Variants in CASR observed in about 807,000 individuals in gnomAD.
The protein encoded by CASR is extracellular calcium-sensing receptor.
Under a neutral mutation model 69.1 loss-of-function variants are expected in CASR, and 23 were observed. The observed-to-expected ratio is 0.33, with a 90% CI of 0.24 to 0.47. The LOEUF is 0.47. Among genes scored for constraint, CASR ranks in the 20% least tolerant of loss-of-function variants. The pLI is 1.00. For missense variants in CASR, 924 were observed against 1,356.1 expected (o/e 0.68, Z 5.00); for synonymous variants, 541 against 544.7 (o/e 0.99, Z 0.10).
chr3:122,265,912 G>A (rs1576862423), intron 4 of CASR, among the ~76,000 whole-genome samples: 1 of 152,216 alleles, frequency 6.6e-6, no homozygotes, highest in Non-Finnish European at 1.5e-5. Flanking sequence ...GTTGGGGAAT[G>A]GGGGATAAAT....
intron 1 of CASR, among the ~76,000 whole-genome samples, chr3:122,235,446 G>A (rs920481671): frequency 1.3e-5 from 2 of 152,150 alleles, no homozygotes; most frequent in Non-Finnish European, 2.9e-5. Context: ...CTGGAATACT[G>A]GTTTCATAAG....
chr3:122,228,801 G>C (rs1217358802), intron 1 of CASR, among the ~76,000 whole-genome samples: 1 of 152,062 alleles, frequency 6.6e-6, no homozygotes, highest in African/African-American at 2.4e-5. Flanking sequence ...TGTTGAAAGG[G>C]GAAGCTGAGA....
At chr3:122,217,027 A>G (rs1022059070) in intron 1 of CASR, among the ~76,000 whole-genome samples, 7 of 152,362 alleles carry the variant, frequency 4.6e-5, no homozygotes, top group Admixed American at 3.9e-4. Context: ...TGTCTAACAA[A>G]GGAGACAAAC....
intron 3 of CASR, 127 bp downstream of exon 3, chr3:122,257,514 T>A: frequency 1.5e-6 from 1 of 671,322 alleles, no homozygotes. Context: ...TATGATTTAG[T>A]TGATATGCTG....
chr3:122,192,798 C>A (rs889548847), intron 1 of CASR, among the ~76,000 whole-genome samples: 2 of 152,114 alleles, frequency 1.3e-5, no homozygotes, highest in African/African-American at 2.4e-5. Flanking sequence ...GTATATAGTT[C>A]CTGCGAGCTC....
intron 1 of CASR, among the ~76,000 whole-genome samples, chr3:122,233,508 G>A (rs955849514): frequency 2.0e-5 from 3 of 152,196 alleles, no homozygotes; most frequent in African/African-American, 7.2e-5. Flanking sequence ...CTGGGAAGTA[G>A]CGGAGGAGAA....
At position 122,261,774 on chromosome 3, in the gene CASR, T is replaced by C. The variant is rs201840633; in HGVS notation, c.739T>C (p.Ser247Pro). 3 of 1,614,194 alleles carry C rather than the reference T, an allele frequency of 1.9e-6. No individual in the cohort carries two copies. The highest frequency in any genetic ancestry group is 8.5e-7 in the Non-Finnish European group (1 of 1,180,008). Residue 247 changes from serine to proline, a missense_variant, in exon 4 of 7, where the codon TCT (serine) becomes CCT (proline). By Grantham distance (74) the Ser-to-Pro change is moderately conservative. Around this residue, in one of 8 missense-constraint regions of CASR, gnomAD observed 310 missense variants for 395.7 expected, o/e 0.78. Transcript: ENST00000639785. Reference protein sequence around the residue: ...IDFSELISQYSDEEEIQHVVE... With the variant: ...IDFSELISQYPDEEEIQHVVE... ...CTTCAGTGAACTCATCTCCCAGTAC[T>C]CTGATGAGGAAGAGATCCAGCATGT...
chr3:122,265,730 T>C (rs947798457), intron 4 of CASR, among the ~76,000 whole-genome samples: 1 of 152,184 alleles, frequency 6.6e-6, no homozygotes, highest in African/African-American at 2.4e-5. Flanking sequence ...GAACATCATG[T>C]AAGTATGAAA....
chr3:122,220,536 A>G (rs373595793), intron 1 of CASR, among the ~76,000 whole-genome samples: 3 of 152,366 alleles, frequency 2.0e-5, no homozygotes, highest in East Asian at 3.9e-4. Flanking sequence ...ATAGAACACC[A>G]AGGATTTACA....
intron 1 of CASR, among the ~76,000 whole-genome samples, chr3:122,243,245 G>T (rs2134222): frequency 6.6e-6 from 1 of 152,100 alleles, no homozygotes; most frequent in Non-Finnish European, 1.5e-5. Flanking sequence ...ACAACCCACA[G>T]AATGTGAGAA....
At position 122,283,721 on chromosome 3, in the gene CASR, C is replaced by G. The variant is rs1465788605; in HGVS notation, c.1767C>G (p.Phe589Leu). The change falls in exon 7 of 7, where the codon TTC (phenylalanine) becomes TTG (leucine). Residue 589 changes from phenylalanine (F) to leucine (L), a missense_variant. By Grantham distance (22) the Phe-to-Leu change is conservative (BLOSUM62 0). Coordinates refer to ENST00000639785, the MANE Select transcript of CASR (RefSeq NM_000388.4). The stretch of plus-strand genomic sequence containing the variant: ...CCTGTAACAAGTGCCCAGATGACTT[C>G]TGGTCCAATGAGAACCACACCTCCT... ...ASACNKCPDD[F>L]WSNENHTSCI... 1 of 1,614,080 alleles carries G rather than the reference C, an allele frequency of 6.2e-7. No individual in the cohort carries two copies. Among genetic ancestry groups the G allele is most frequent in the African/African-American group, 1.3e-5 (1 of 74,946 alleles).
chr3:122,251,794 ATTATT>A (rs1432824059), intron 1 of CASR, among the ~76,000 whole-genome samples: 2 of 152,252 alleles, frequency 1.3e-5, no homozygotes. Flanking sequence ...CTCTCCATGC[ATTATT>A]TTGTTTAGAT....
rs1024153042 is a variant in CASR at position 122,285,508 on chromosome 3, A to G, written c.*317A>G. On this transcript the variant is annotated 3_prime_UTR_variant, in exon 7 of 7. Coordinates refer to ENST00000639785, the MANE Select transcript of CASR (RefSeq NM_000388.4). The stretch of plus-strand genomic sequence containing the variant: ...CACCCAACAGCTCAGAGATGAAACT[A>G]TGGCTTTAAACTACCCTCCAGAGTG... 1 of 363,688 alleles carries G rather than the reference A, an allele frequency of 2.7e-6. No homozygotes were observed. Among genetic ancestry groups the G allele is most frequent in the Non-Finnish European group, 5.2e-6 (1 of 190,926 alleles). The allele number at this position is 363,688 out of a possible 1,614,324, so 22.5% of individuals were successfully genotyped here.
chr3:122,195,199 C>G (rs1307030268), intron 1 of CASR, among the ~76,000 whole-genome samples: 1 of 152,174 alleles, frequency 6.6e-6, no homozygotes, highest in Non-Finnish European at 1.5e-5. Flanking sequence ...CACAACTTGT[C>G]ATTTCCTTGT....
chr3:122,190,900 T>C (rs1383310420), intron 1 of CASR, among the ~76,000 whole-genome samples: 1 of 152,180 alleles, frequency 6.6e-6, no homozygotes, highest in Non-Finnish European at 1.5e-5. Context: ...GAAACCAGGG[T>C]ACTGAAAGGT....
intron 4 of CASR, among the ~76,000 whole-genome samples, chr3:122,272,683 A>G (rs963560106): frequency 1.3e-5 from 2 of 151,994 alleles, no homozygotes; most frequent in Non-Finnish European, 2.9e-5. Flanking sequence ...CCATATGAAA[A>G]CTCCATGAGG....
At chr3:122,252,443 A>AAGAAAGAAAGAAAGAAAG (rs2074504681) in intron 1 of CASR, among the ~76,000 whole-genome samples, 1 of 108,580 alleles carries the variant, frequency 9.2e-6, no homozygotes, top group Non-Finnish European at 1.9e-5. Flanking sequence ...GAAAGAAAGA[A>AAGAAAGAAAGAAAGAAAG]AGAAAAAAAA....
At chr3:122,185,313 A>C (rs2107575900) in intron 1 of CASR, among the ~76,000 whole-genome samples, 1 of 152,246 alleles carries the variant, frequency 6.6e-6, no homozygotes, top group South Asian at 2.1e-4. Context: ...TTATCCAGAA[A>C]ATGATGTCAC....
intron 5 of CASR, among the ~76,000 whole-genome samples, chr3:122,280,869 G>A (rs2074879880): frequency 6.6e-6 from 1 of 152,190 alleles, no homozygotes; most frequent in Non-Finnish European, 1.5e-5. Flanking sequence ...CATTACTCCA[G>A]GCTTTGTACC....
Sources: gnomAD v4.1 joint callset for allele counts (sites outside exome capture counted in the v4.1 genomes callset) on GRCh38, gnomAD v4.1.1 for gene constraint, gnomAD v4.1.1 regional missense constraint, MANE v1.5 for transcripts, NCBI Gene and HGNC (gene_info 2026-07-23, HGNC 2026-07-21) for gene names.